The following CPM variants were observed in gnomAD, a reference collection of about 807,000 sequenced individuals.
CPM encodes carboxypeptidase M, also known as renal carboxypeptidase.
CPM carries 35 observed loss-of-function variants against 46.4 expected under a neutral mutation model. That is an observed-to-expected ratio of 0.75 (90% CI 0.58 to 1.00). The LOEUF (loss-of-function observed/expected upper bound fraction) is 1.00. CPM is among the 50% of genes least tolerant of loss of function. CPM has a pLI of 0.00. For missense variants in CPM, 422 were observed against 530.4 expected (o/e 0.80, Z 2.01); for synonymous variants, 195 against 195.3 (o/e 1.00, Z 0.01).
chr12:68,871,277 A>G (rs189189347), intron 4 of CPM, among the ~76,000 whole-genome samples: 1 of 152,332 alleles, frequency 6.6e-6, no homozygotes, highest in East Asian at 1.9e-4. Context: ...CACAATGGAC[A>G]GGATTCCTGC....
chr12:68,913,485 CTAGT>C (rs1169082556), intron 2 of CPM, among the ~76,000 whole-genome samples: 5 of 152,098 alleles, frequency 3.3e-5, no homozygotes, highest in African/African-American at 1.2e-4. Flanking sequence ...ACACAAGCTC[CTAGT>C]ATTTGGCTTG....
chr12:68,955,681 G>C (rs571412105), intron 1 of CPM, among the ~76,000 whole-genome samples: 1 of 152,140 alleles, frequency 6.6e-6, no homozygotes, highest in South Asian at 2.1e-4. Context: ...GGCCCAAAGT[G>C]GGTAGCTCCT....
At chr12:68,953,108 T>C (rs1197360153) in intron 1 of CPM, among the ~76,000 whole-genome samples, 4 of 152,220 alleles carry the variant, frequency 2.6e-5, no homozygotes, top group Non-Finnish European at 5.9e-5. Context: ...ATGTAAGTTA[T>C]AACTGTGGGA....
intron 2 of CPM, among the ~76,000 whole-genome samples, chr12:68,915,097 C>T (rs552635937): frequency 2.0e-5 from 3 of 152,042 alleles, no homozygotes; most frequent in African/African-American, 7.2e-5. Context: ...GGACAGCGAA[C>T]AGAATGTCCT....
rs1555201997 is a variant in CPM, at chr12:68,941,203, G to GTA, written c.-3-8365_-3-8364dup. Among the ~76,000 whole-genome samples, 307 of 149,540 alleles carry GTA rather than the reference G, an allele frequency of 2.1e-3. 1 individual carries two copies. Among genetic ancestry groups the GTA allele is most frequent in the African/African-American group, 7.0e-3 (279 of 39,688 alleles). The stretch of plus-strand genomic sequence containing the variant: ...TGTGTGTGTGTGTGTGTGTGTGTGT[G>GTA]TATATAAAGCTAACACATCAGCTGA... On this transcript the variant is annotated intron_variant, in intron 1 of 8. Coordinates refer to the CPM transcript ENST00000546373.
At chr12:68,898,221 A>G (rs1886966526) in intron 2 of CPM, among the ~76,000 whole-genome samples, 1 of 152,140 alleles carries the variant, frequency 6.6e-6, no homozygotes. Context: ...AGGTTAATTC[A>G]GACCCCTTTT....
At chr12:68,883,791 C>T (rs1411790851) in intron 3 of CPM, among the ~76,000 whole-genome samples, 1 of 151,988 alleles carries the variant, frequency 6.6e-6, no homozygotes, top group Non-Finnish European at 1.5e-5. Flanking sequence ...TGCCATATGT[C>T]TCTTGTTACA....
At chr12:68,859,765 A>G (rs1170649478) in intron 7 of CPM, among the ~76,000 whole-genome samples, 3 of 152,234 alleles carry the variant, frequency 2.0e-5, no homozygotes, top group Non-Finnish European at 4.4e-5. Context: ...GAAGTGGCCC[A>G]GCCTAGCCGT....
chr12:68,890,370 A>T (rs985330371), intron 2 of CPM, among the ~76,000 whole-genome samples: 76 of 104,534 alleles, frequency 7.3e-4, no homozygotes, highest in African/African-American at 3.2e-3. Context: ...TTTTAATTTA[A>T]AAAAAAAAAA....
chr12:68,878,105 C>T (rs761754822), intron 3 of CPM, among the ~76,000 whole-genome samples: 25 of 152,210 alleles, frequency 1.6e-4, no homozygotes, highest in Non-Finnish European at 2.6e-4. Context: ...AAATGTGATG[C>T]GAATTTTTCA....
rs1402315808 is a variant in CPM at position 68,853,684 on chromosome 12, A to G, written c.*2753T>C. 1 of 151,952 alleles carries G rather than the reference A, an allele frequency of 6.6e-6. No homozygotes were observed. The highest frequency in any genetic ancestry group is 1.5e-5 in the Non-Finnish European group (1 of 67,980). 9.4% of individuals were successfully genotyped at this position (151,952 alleles called of 1,614,324 possible). ...GTAATACACCACACTTCTAGAAATC[A>G]GCCTATATTACTGTCACACTGGGGA... On this transcript the variant is annotated 3_prime_UTR_variant, in exon 9 of 9. Transcript: ENST00000551568.
At chr12:68,934,892 A>T (rs1565806097), upstream of CPM, among the ~76,000 whole-genome samples, 2 of 151,050 alleles carry the variant, frequency 1.3e-5, no homozygotes, top group East Asian at 1.9e-4. Context: ...AAGAGTTGGA[A>T]TTTTTTTTTT....
chr12:68,846,593 A>G (rs1054619358), downstream of CPM: 1 of 152,140 alleles, frequency 6.6e-6, no homozygotes, highest in Non-Finnish European at 1.5e-5. Flanking sequence ...TTTTTGGTTC[A>G]GTTATAGTTT....
In CPM at chr12:68,861,540, G is replaced by T. The variant is rs866461043; in HGVS notation, c.941-2469C>A. The stretch of plus-strand genomic sequence containing the variant: ...TGAAACTGACATTACACAATTTTTT[G>T]TTTTTTTTTTTGAGATGGAATTTTG... On this transcript the variant is annotated intron_variant, in intron 7 of 8. Coordinates refer to ENST00000551568, the MANE Select transcript of CPM (RefSeq NM_198320.5). Among the ~76,000 whole-genome samples, 901 of 145,946 alleles carry T rather than the reference G, an allele frequency of 6.2e-3. 8 individuals carry two copies. Among genetic ancestry groups the T allele is most frequent in the African/African-American group, 0.022 (867 of 39,876 alleles).
intron 2 of CPM, among the ~76,000 whole-genome samples, chr12:68,928,795 G>A (rs1592704986): frequency 6.6e-6 from 1 of 151,280 alleles, no homozygotes; most frequent in Non-Finnish European, 1.5e-5. Flanking sequence ...GCTGGAGTAC[G>A]GTGGCACGAT....
At chr12:68,874,185 C>G (rs550584884) in intron 3 of CPM, among the ~76,000 whole-genome samples, 1 of 152,298 alleles carries the variant, frequency 6.6e-6, no homozygotes, top group South Asian at 2.1e-4. Context: ...TTGTACACCC[C>G]ACTGGGTTCC....
chr12:68,934,534 A>G (rs1052183010), upstream of CPM, among the ~76,000 whole-genome samples: 9 of 152,162 alleles, frequency 5.9e-5, no homozygotes, highest in East Asian at 1.9e-4. Context: ...GCTGAGAATG[A>G]TGGTTTCCAG....
In CPM at chr12:68,871,657, A is replaced by G. The variant is rs180684343; in HGVS notation, c.431+127T>C. 1,974 of 1,013,952 alleles carry G rather than the reference A, an allele frequency of 1.9e-3. 19 individuals are homozygous for G. In the African/African-American group the frequency reaches 0.027, roughly 14 times the overall value. 62.8% of individuals were successfully genotyped at this position (1,013,952 alleles called of 1,614,324 possible). On this transcript the variant is annotated intron_variant, in intron 4 of 8. Coordinates refer to ENST00000551568, the MANE Select transcript of CPM (RefSeq NM_198320.5). ...GATGTGCCTTGAGCTTTGGCACATC[A>G]GCGACATGACACCGGCTCTGAGGGC...
At chr12:68,928,809 G>A (rs921030192) in intron 2 of CPM, among the ~76,000 whole-genome samples, 2 of 151,172 alleles carry the variant, frequency 1.3e-5, no homozygotes, top group African/African-American at 4.9e-5. Flanking sequence ...GCACGATCAT[G>A]GCCCACTGCA....
Sources: gnomAD v4.1 joint callset for allele counts (sites outside exome capture counted in the v4.1 genomes callset) on GRCh38, gnomAD v4.1.1 for gene constraint, MANE v1.5 for transcripts, NCBI Gene and HGNC (gene_info 2026-07-23, HGNC 2026-07-21) for gene names.